GSTCD: variants seen among roughly 807,000 people sequenced by gnomAD.
GSTCD encodes glutathione S-transferase C-terminal domain-containing protein.
A neutral mutation model predicts 68.3 loss-of-function variants in GSTCD; 44 were observed. The observed-to-expected ratio is 0.64, with a 90% CI of 0.51 to 0.83. GSTCD has a LOEUF of 0.83. Among genes scored for constraint, GSTCD ranks in the 40% least tolerant of loss-of-function variants. The pLI, the probability that GSTCD is intolerant of heterozygous loss-of-function variation, is 0.00. For synonymous variants in GSTCD, 273 were observed against 255.2 expected (o/e 1.07, Z -0.67); for missense variants, 739 against 735.9 (o/e 1.00, Z -0.05).
intron 5 of GSTCD, among the ~76,000 whole-genome samples, chr4:105,769,834 C>A (rs559496069): frequency 6.3e-4 from 96 of 152,290 alleles, no homozygotes; most frequent in African/African-American, 2.2e-3. Context: ...TAGCTCACTG[C>A]AGCCTCAATC....
intron 5 of GSTCD, among the ~76,000 whole-genome samples, chr4:105,732,006 C>T (rs1391242057): frequency 4.6e-5 from 7 of 152,062 alleles, no homozygotes; most frequent in Admixed American, 4.6e-4. Context: ...TATTGATTTG[C>T]ATATGTTGAA....
intron 5 of GSTCD, among the ~76,000 whole-genome samples, chr4:105,733,860 G>C (rs1024687000): frequency 6.6e-6 from 1 of 152,116 alleles, no homozygotes; most frequent in Non-Finnish European, 1.5e-5. Context: ...CTTCCTTCAG[G>C]AGCTCTTTTA....
chr4:105,844,288 C>T (rs1208263337), intron 11 of GSTCD, among the ~76,000 whole-genome samples: 2 of 152,092 alleles, frequency 1.3e-5, no homozygotes, highest in Non-Finnish European at 2.9e-5. Context: ...AAAAGAATGT[C>T]GGCCATAAGG....
intron 5 of GSTCD, among the ~76,000 whole-genome samples, chr4:105,802,586 C>G (rs546891083): frequency 9.2e-5 from 14 of 152,112 alleles, no homozygotes; most frequent in African/African-American, 3.1e-4. Flanking sequence ...ATAAAATTTT[C>G]CTTCCATATA....
chr4:105,795,198 A>G (rs1490741986), intron 5 of GSTCD, among the ~76,000 whole-genome samples: 2 of 152,014 alleles, frequency 1.3e-5, no homozygotes. Flanking sequence ...TACTTGATAT[A>G]TTGGATCAAA....
intron 5 of GSTCD, among the ~76,000 whole-genome samples, chr4:105,736,239 G>T (rs940928183): frequency 6.6e-6 from 1 of 151,784 alleles, no homozygotes; most frequent in Non-Finnish European, 1.5e-5. Context: ...TTTGTCTGTT[G>T]ACTTTATTTC....
chr4:105,818,518 A>G (rs891267451), intron 5 of GSTCD, among the ~76,000 whole-genome samples: 2 of 151,896 alleles, frequency 1.3e-5, no homozygotes, highest in Non-Finnish European at 2.9e-5. Flanking sequence ...TAGCAAATTA[A>G]TCAGAGCCCA....
At position 105,726,789 on chromosome 4, in the gene GSTCD, TTA is replaced by T; in HGVS notation, c.1107_1108del (p.Leu369PhefsTer18). Reference sequence around the variant, plus strand: ...AGGTGTAGAAGAGCAAAGCGATCCTTTATTTATAGGAGGACCAAGACCAACCA... The same window carrying T: ...AGGTGTAGAAGAGCAAAGCGATCCTTTTTATAGGAGGACCAAGACCAACCA... ...VPGVEEQSDP[L>X]FIGGPRPTMA... On this transcript the variant is annotated frameshift_variant, in exon 4 of 12. Coordinates refer to ENST00000515279, the MANE Select transcript of GSTCD (RefSeq NM_001370181.1). LOFTEE classifies it high-confidence loss of function. The T allele has an allele frequency of 6.2e-7, 1 of 1,613,478 alleles. No homozygotes were observed. The highest frequency in any genetic ancestry group is 8.5e-7 in the Non-Finnish European group (1 of 1,179,616).
chr4:105,713,777 AAC>A (rs1732606794), intron 1 of GSTCD, among the ~76,000 whole-genome samples: 1 of 151,946 alleles, frequency 6.6e-6, no homozygotes, highest in Non-Finnish European at 1.5e-5. Flanking sequence ...CAAAAAACAA[AAC>A]ACAGGTTAAT....
chr4:105,786,590 A>G (rs1198241077), intron 5 of GSTCD, among the ~76,000 whole-genome samples: 1 of 151,608 alleles, frequency 6.6e-6, no homozygotes, highest in Non-Finnish European at 1.5e-5. Flanking sequence ...GGCAAATTAT[A>G]TGCCTGATAA....
Position 105,834,574 on chromosome 4 carries a change from A to G in GSTCD, c.1644A>G (p.Ser548=), listed in dbSNP as rs1335541570. Reference sequence around the variant, plus strand: ...GTTATGGTTTCATTCAGAACACCTCAAAGTTCAATTTTCCAAAAAGGTGAG... The same window carrying G: ...GTTATGGTTTCATTCAGAACACCTCGAAGTTCAATTTTCCAAAAAGGTGAG... The part of the protein sequence containing the change: ...PCCYGFIQNT[S]KFNFPKSEQF... The change falls in exon 9 of 12, where the codon TCA becomes TCG. Residue 548 remains serine, a synonymous_variant. Transcript: ENST00000515279. 3 of 1,614,000 alleles carry G rather than the reference A, an allele frequency of 1.9e-6. No individual in the cohort carries two copies. The highest frequency in any genetic ancestry group is 2.5e-6 in the Non-Finnish European group (3 of 1,179,914).
intron 5 of GSTCD, among the ~76,000 whole-genome samples, chr4:105,802,701 C>T (rs1051699655): frequency 2.6e-5 from 4 of 152,052 alleles, no homozygotes; most frequent in African/African-American, 9.7e-5. Context: ...TTTTTTCTCT[C>T]TGTCCTCTTC....
rs191888869 is a variant in GSTCD, at chr4:105,798,311, A to G, written c.1241-24643A>G. Among the ~76,000 whole-genome samples the G allele has an allele frequency of 1.6e-4, 24 of 152,120 alleles. No individual in the cohort carries two copies. The East Asian group carries it at 3.3e-3, about 21-fold the overall frequency. ...TCTTAAACCCCTCAAAATGTCATCC[A>G]TGATGGTTAGAATTAACTTCTTCAA... On this transcript the variant is annotated intron_variant, in intron 5 of 11. Transcript: ENST00000515279.
chr4:105,765,909 C>A (rs1734588628), intron 5 of GSTCD, among the ~76,000 whole-genome samples: 1 of 152,174 alleles, frequency 6.6e-6, no homozygotes, highest in South Asian at 2.1e-4. Flanking sequence ...TTTCCTGAGG[C>A]CTCCCCAGCC....
chr4:105,831,522 T>C (rs1483400578), intron 8 of GSTCD, among the ~76,000 whole-genome samples: 2 of 152,184 alleles, frequency 1.3e-5, no homozygotes, highest in Non-Finnish European at 2.9e-5. Context: ...TTAAAAAAAA[T>C]ATTAACAATT....
intron 5 of GSTCD, among the ~76,000 whole-genome samples, chr4:105,817,103 A>C (rs1723031178): frequency 6.6e-6 from 1 of 151,958 alleles, no homozygotes; most frequent in Admixed American, 6.6e-5. Context: ...GTACAATGTG[A>C]TTAATAAAAT....
intron 5 of GSTCD, among the ~76,000 whole-genome samples, chr4:105,773,574 T>C (rs1430824063): frequency 6.6e-6 from 1 of 152,136 alleles, no homozygotes; most frequent in Non-Finnish European, 1.5e-5. Flanking sequence ...TTTCTCATTG[T>C]TTTCAAAGAA....
chr4:105,751,174 T>G (rs1431994634), intron 5 of GSTCD, among the ~76,000 whole-genome samples: 2 of 152,134 alleles, frequency 1.3e-5, no homozygotes, highest in Non-Finnish European at 2.9e-5. Context: ...CTAAAATTAT[T>G]TAAGATGTCA....
chr4:105,795,431 T>C (rs1735846864), intron 5 of GSTCD, among the ~76,000 whole-genome samples: 1 of 152,080 alleles, frequency 6.6e-6, no homozygotes, highest in Admixed American at 6.5e-5. Flanking sequence ...TGGGATGAGT[T>C]TAAGGACAGT....
Sources: gnomAD v4.1 joint callset for allele counts (sites outside exome capture counted in the v4.1 genomes callset) on GRCh38, gnomAD v4.1.1 for gene constraint, MANE v1.5 for transcripts, NCBI Gene and HGNC (gene_info 2026-07-23, HGNC 2026-07-21) for gene names.